Variants in TMEM182 observed in about 807,000 individuals in gnomAD.
The protein encoded by TMEM182 is transmembrane protein 182.
A neutral mutation model predicts 26.8 loss-of-function variants in TMEM182; 20 were observed. The observed-to-expected ratio is 0.75, with a 90% CI of 0.53 to 1.09. TMEM182 has a LOEUF of 1.09. Among genes scored for constraint, TMEM182 ranks in the 50% least tolerant of loss-of-function variants. TMEM182 has a pLI of 0.00. For missense variants in TMEM182, 277 were observed against 275.5 expected (o/e 1.01, Z -0.04); for synonymous variants, 109 against 102.2 (o/e 1.07, Z -0.40).
At chr2:102,756,098 G>A (rs1350880101) in intron 1 of TMEM182, among the ~76,000 whole-genome samples, 2 of 152,182 alleles carry the variant, frequency 1.3e-5, no homozygotes, top group African/African-American at 4.8e-5. Flanking sequence ...AGGAGCTACT[G>A]GTGCTCCAGG....
chr2:102,811,986 A>G (rs968273549), intron 4 of TMEM182, among the ~76,000 whole-genome samples: 11 of 152,202 alleles, frequency 7.2e-5, no homozygotes, highest in South Asian at 2.1e-4. Flanking sequence ...GAGAGCCACA[A>G]AATATATCTA....
rs746242480 is a variant in TMEM182 at position 102,803,881 on chromosome 2, G to A, written c.469+5881G>A. Among the ~76,000 whole-genome samples, 7 of 151,798 alleles carry A rather than the reference G, an allele frequency of 4.6e-5. No individual in the cohort carries two copies. The South Asian group carries it at 1.2e-3, about 27-fold the overall frequency. ...ACACGCAGCCCTGCCGTCCACACCTGCAGGCACACGCAGCCCTGCCGTCCA... is the reference window on the plus strand; with the variant it reads ...ACACGCAGCCCTGCCGTCCACACCTACAGGCACACGCAGCCCTGCCGTCCA... On this transcript the variant is annotated intron_variant, in intron 4 of 4. Transcript: ENST00000412401.
chr2:102,803,232 G>A (rs1394581358), intron 4 of TMEM182, among the ~76,000 whole-genome samples: 3 of 152,192 alleles, frequency 2.0e-5, no homozygotes, highest in African/African-American at 7.2e-5. Flanking sequence ...GCCCCAGACA[G>A]CTCACAAGTT....
intron 3 of TMEM182, among the ~76,000 whole-genome samples, chr2:102,772,386 A>G (rs949639641): frequency 1.3e-5 from 2 of 152,184 alleles, no homozygotes; most frequent in Non-Finnish European, 2.9e-5. Context: ...GGAAGAAAGT[A>G]AAAGATGAGA....
At chr2:102,779,570 G>T (rs1681071278) in intron 3 of TMEM182, among the ~76,000 whole-genome samples, 1 of 152,120 alleles carries the variant, frequency 6.6e-6, no homozygotes, top group South Asian at 2.1e-4. Context: ...CAATCTTGAA[G>T]TTAACTTACT....
intron 1 of TMEM182, among the ~76,000 whole-genome samples, chr2:102,751,180 C>T (rs1310491532): frequency 6.6e-5 from 10 of 152,060 alleles, no homozygotes; most frequent in Admixed American, 5.2e-4. Context: ...AGCTCTCTCT[C>T]GTGAGAGAGA....
At chr2:102,811,181 G>C (rs1001836301) in intron 4 of TMEM182, among the ~76,000 whole-genome samples, 1 of 150,748 alleles carries the variant, frequency 6.6e-6, no homozygotes, top group Non-Finnish European at 1.5e-5. Context: ...TTTGAAAAAA[G>C]TACAGGCCTG....
chr2:102,832,138 C>T (rs1004779323), intron 3 of TMEM182, among the ~76,000 whole-genome samples: 7 of 152,158 alleles, frequency 4.6e-5, no homozygotes, highest in Admixed American at 1.3e-4. Flanking sequence ...GGATTCTATC[C>T]GCCTACATTC....
chr2:102,834,760 C>G (rs1262031411), intron 3 of TMEM182, among the ~76,000 whole-genome samples: 1 of 152,190 alleles, frequency 6.6e-6, no homozygotes, highest in East Asian at 1.9e-4. Context: ...AGCATATAAG[C>G]AGGTGACTTG....
intron 2 of TMEM182, among the ~76,000 whole-genome samples, 167 bp from the exon 3 acceptor site, chr2:102,764,162 T>C (rs569600542): frequency 6.6e-6 from 1 of 152,270 alleles, no homozygotes; most frequent in East Asian, 1.9e-4. Context: ...TTGATATGAG[T>C]TTCCTAGAAG....
intron 1 of TMEM182, among the ~76,000 whole-genome samples, chr2:102,737,595 GATATGTGTGGCTGAAACTTCCTC>G (rs1679392854): frequency 6.6e-6 from 1 of 152,300 alleles, no homozygotes; most frequent in Admixed American, 6.5e-5. Context: ...GTGGAAAGAA[GATATGTGTGGCTGAAACTTCCTC>G]ATCAAACTGA....
At chr2:102,823,389 G>A (rs1682964278) in intron 3 of TMEM182, among the ~76,000 whole-genome samples, 1 of 152,054 alleles carries the variant, frequency 6.6e-6, no homozygotes, top group African/African-American at 2.4e-5. Context: ...CTGGAGTGCT[G>A]TGGTGTGATC....
chr2:102,811,501 C>G (rs547832507), intron 4 of TMEM182, among the ~76,000 whole-genome samples: 3 of 152,308 alleles, frequency 2.0e-5, no homozygotes, highest in Admixed American at 6.5e-5. Flanking sequence ...ATTTTATCCA[C>G]TGGATTTAGC....
chr2:102,819,190 A>G (rs1437650818), downstream of TMEM182, among the ~76,000 whole-genome samples: 3 of 152,126 alleles, frequency 2.0e-5, no homozygotes, highest in African/African-American at 7.2e-5. Context: ...CTAAAGAGAG[A>G]CTGCCACTGT....
intron 3 of TMEM182, among the ~76,000 whole-genome samples, chr2:102,795,187 A>G (rs1265106425): frequency 6.6e-6 from 1 of 152,176 alleles, no homozygotes; most frequent in Non-Finnish European, 1.5e-5. Flanking sequence ...TTTCAAGAGT[A>G]TTCACCCCAG....
intron 1 of TMEM182, among the ~76,000 whole-genome samples, chr2:102,744,538 C>G (rs977726243): frequency 6.6e-6 from 1 of 152,016 alleles, no homozygotes; most frequent in Non-Finnish European, 1.5e-5. Context: ...GATCTCTGAC[C>G]TATATCATAT....
chr2:102,745,129 T>C (rs1246163870), intron 1 of TMEM182, among the ~76,000 whole-genome samples: 1 of 147,544 alleles, frequency 6.8e-6, no homozygotes, highest in Non-Finnish European at 1.5e-5. Context: ...TTTCTTTATG[T>C]TTTTTTTTTG....
intron 4 of TMEM182, among the ~76,000 whole-genome samples, chr2:102,800,297 C>T (rs1402229345): frequency 6.6e-6 from 1 of 152,198 alleles, no homozygotes; most frequent in Non-Finnish European, 1.5e-5. Flanking sequence ...CTCTCCTTCT[C>T]TCCTGACCAG....
chr2:102,817,443 T>C lies in TMEM182; in HGVS notation c.*2475T>C. On this transcript the variant is annotated 3_prime_UTR_variant, in exon 5 of 5. Transcript: ENST00000412401. ...CTATCATCTCTCCATATTGTATTTG[T>C]TCAGCTGGTTTAATTCACTCAGGTG... is the stretch of plus-strand genomic sequence containing the variant. The C allele has an allele frequency of 1.0e-6, 1 of 985,410 alleles. No homozygotes were observed. The highest frequency in any genetic ancestry group is 1.2e-6 in the Non-Finnish European group (1 of 829,930). The allele number at this position is 985,410 out of a possible 1,614,324, so 61.0% of individuals were successfully genotyped here.
Sources: allele counts gnomAD v4.1 joint callset (sites outside exome capture counted in the v4.1 genomes callset), GRCh38; gene constraint gnomAD v4.1.1; transcripts MANE v1.5; gene names NCBI Gene and HGNC (gene_info 2026-07-23, HGNC 2026-07-21).